SVEP1: variants seen among roughly 807,000 people sequenced by gnomAD.
SVEP1 encodes sushi, von Willebrand factor type A, EGF and pentraxin domain-containing protein 1.
A neutral mutation model predicts 367.3 loss-of-function variants in SVEP1; 164 were observed. The ratio of observed to expected loss-of-function variants is 0.45; its 90% confidence interval spans 0.39 to 0.51. SVEP1 has a LOEUF of 0.51. SVEP1 is among the 20% of genes least tolerant of loss of function. The probability of loss-of-function intolerance (pLI) is 0.00; values close to 1 mark genes in which losing one functional copy is unlikely to be tolerated. For synonymous variants in SVEP1, 1,666 were observed against 1,611.6 expected, an observed-to-expected ratio of 1.03 and a Z score of -0.81; for missense variants, 4,117 against 4,425.3, an observed-to-expected ratio of 0.93 and a Z score of 1.98.
chr9:110,570,970 CT>C (rs374900472), intron 1 of SVEP1, among the ~76,000 whole-genome samples: 6,852 of 113,166 alleles, frequency 0.061, 55 homozygotes, highest in Non-Finnish European at 0.068. Context: ...CAGATGGCTC[CT>C]TTTTTTTTTT....
intron 47 of SVEP1, among the ~76,000 whole-genome samples, chr9:110,368,456 A>G (rs1217704293): frequency 6.6e-6 from 1 of 152,156 alleles, no homozygotes; most frequent in Admixed American, 6.5e-5. Flanking sequence ...CCTATATCAA[A>G]CTTTTGCGTA....
intron 37 of SVEP1, among the ~76,000 whole-genome samples, chr9:110,409,158 C>T (rs557973366): frequency 1.8e-4 from 27 of 152,280 alleles, no homozygotes; most frequent in Admixed American, 8.5e-4. Context: ...AACTTAGGCT[C>T]GGCATGACGA....
At chr9:110,487,437 A>G (rs1405481615) in intron 9 of SVEP1, among the ~76,000 whole-genome samples, 1 of 152,232 alleles carries the variant, frequency 6.6e-6, no homozygotes, top group Non-Finnish European at 1.5e-5. Flanking sequence ...TTTCATGCAA[A>G]TGGTAAAGCT....
At position 110,516,614 on chromosome 9, in the gene SVEP1, C is replaced by T. The variant is rs183489013; in HGVS notation, c.965-2508G>A. Among the ~76,000 whole-genome samples, 407 of 152,022 alleles carry T rather than the reference C, an allele frequency of 2.7e-3. 4 individuals are homozygous for T. The highest frequency in any genetic ancestry group is 8.6e-3 in the African/African-American group (358 of 41,498). ...GGATCCTCAAAGAGATAAAGGACAA[C>T]GTGGTTTCCTTTAAACAGGAGTCAG... On this transcript the variant is annotated intron_variant, in intron 3 of 47. Transcript: ENST00000374469.
chr9:110,437,776 A>G (rs185785312), intron 27 of SVEP1, among the ~76,000 whole-genome samples: 1 of 152,032 alleles, frequency 6.6e-6, no homozygotes, highest in Admixed American at 6.5e-5. Context: ...GTAGTCTTTT[A>G]TCCCTCACCC....
intron 18 of SVEP1, among the ~76,000 whole-genome samples, chr9:110,465,569 T>C (rs531734384): frequency 1.3e-5 from 2 of 152,338 alleles, no homozygotes; most frequent in East Asian, 1.9e-4. Context: ...CTAGTTTAGA[T>C]ATATTTCTAC....
At chr9:110,381,061 G>T (rs947597229) in intron 43 of SVEP1, among the ~76,000 whole-genome samples, 1 of 152,156 alleles carries the variant, frequency 6.6e-6, no homozygotes, top group Non-Finnish European at 1.5e-5. Context: ...GGCATCAGTG[G>T]TGATATTCCC....
At chr9:110,492,494 T>A (rs1318548537) in intron 8 of SVEP1, among the ~76,000 whole-genome samples, 1 of 152,072 alleles carries the variant, frequency 6.6e-6, no homozygotes, top group Non-Finnish European at 1.5e-5. Flanking sequence ...TGCATGTTTT[T>A]AAAACTTTAT....
rs551441554 is a variant in SVEP1, at chr9:110,372,795, T to G, written c.10600+2573A>C. 2.2e-4 allele frequency among the ~76,000 whole-genome samples: 33 copies of G among 152,096 alleles called. No individual in the cohort carries two copies. In the South Asian group the frequency reaches 6.0e-3, roughly 28 times the overall value. ...CACTGCAGGGCACAGTGTGTGATGG[T>G]AGGATAACAAGTGAGTTGTGCTTCA... On this transcript the variant is annotated intron_variant, in intron 46 of 47. Coordinates refer to ENST00000374469, the MANE Select transcript of SVEP1 (RefSeq NM_153366.4).
Position 110,406,933 on chromosome 9 carries a change from G to A in SVEP1, c.8667C>T (p.Val2889=). 1 of 1,613,762 alleles carries A rather than the reference G, an allele frequency of 6.2e-7. No individual in the cohort carries two copies. Among genetic ancestry groups the A allele is most frequent in the Non-Finnish European group, 8.5e-7 (1 of 1,179,848 alleles). The change falls in exon 38 of 48, where the codon GTC becomes GTT. Residue 2889 remains valine, a synonymous_variant. Coordinates refer to ENST00000374469, the MANE Select transcript of SVEP1 (RefSeq NM_153366.4). The part of the protein sequence containing the change: ...WSGATPDCVP[V]RCATPPQLAN... ...CCAGTTGTGGCGGGGTGGCACATCTGACAGGCACACAGTCGGGAGTGGCTC... is the reference window on the plus strand; with the variant it reads ...CCAGTTGTGGCGGGGTGGCACATCTAACAGGCACACAGTCGGGAGTGGCTC...
chr9:110,489,502 A>T (rs1426241778), intron 9 of SVEP1, 148 bp downstream of exon 9: 1 of 641,524 alleles, frequency 1.6e-6, no homozygotes, highest in Admixed American at 3.6e-5. Context: ...TCTGAGACTT[A>T]TTCACTATCA....
intron 3 of SVEP1, among the ~76,000 whole-genome samples, chr9:110,545,109 T>C (rs903346239): frequency 6.6e-6 from 1 of 152,226 alleles, no homozygotes; most frequent in Non-Finnish European, 1.5e-5. Context: ...TCTTTTTTTA[T>C]GGCTGAGTAG....
chr9:110,461,326 C>T (rs1020030538), intron 18 of SVEP1, among the ~76,000 whole-genome samples: 1 of 152,178 alleles, frequency 6.6e-6, no homozygotes, highest in Non-Finnish European at 1.5e-5. Context: ...CTTGGATAAA[C>T]TGGCATCATC....
In SVEP1 at chr9:110,511,488, C is replaced by CTTTTTTTTTTTTTTTTT. The variant is rs199993986; in HGVS notation, c.1303+1421_1303+1437dup. 2.6e-5 allele frequency among the ~76,000 whole-genome samples: 2 copies of CTTTTTTTTTTTTTTTTT among 77,554 alleles called. 1 individual carries two copies. Among genetic ancestry groups the CTTTTTTTTTTTTTTTTT allele is most frequent in the Non-Finnish European group, 5.5e-5 (2 of 36,268 alleles). 50.9% of individuals were successfully genotyped at this position (77,554 alleles called of 152,430 possible). ...CTAGGTCCATTCATTGTGTCAGTACCTTTTTTTTTTTTTTTTTTTTTTTTT... is the reference window on the plus strand; with the variant it reads ...CTAGGTCCATTCATTGTGTCAGTACCTTTTTTTTTTTTTTTTTTTTTTTTTTTTTTTTTTTTTTTTTT... On this transcript the variant is annotated intron_variant, in intron 5 of 47. Transcript: ENST00000374469.
intron 8 of SVEP1, among the ~76,000 whole-genome samples, 188 bp from the exon 9 acceptor site, chr9:110,489,967 A>G (rs372449292): frequency 1.3e-5 from 2 of 152,318 alleles, no homozygotes; most frequent in South Asian, 4.1e-4. Context: ...ATTGGCACAC[A>G]TATGAAATAT....
At chr9:110,403,296 G>GCTTTTTTTTT (rs1827892964) in intron 39 of SVEP1, among the ~76,000 whole-genome samples, 1 of 43,454 alleles carries the variant, frequency 2.3e-5, no homozygotes, top group African/African-American at 1.2e-4. Flanking sequence ...CGCCACCGCC[G>GCTTTTTTTTT]TTTTTTTTTT....
Position 110,431,925 on chromosome 9 carries a change from T to C in SVEP1, c.5343A>G (p.Lys1781=). 6.2e-7 allele frequency: 1 copy of C among 1,613,620 alleles called. No individual in the cohort carries two copies. Among genetic ancestry groups the C allele is most frequent in the Non-Finnish European group, 8.5e-7 (1 of 1,179,664 alleles). ...SCVPPYTGDG[K]NCAEPIKCKA... ...ACATATATTGGTTACCTGCACAGTTTTTCCCATCTCCTGTGTACGGTGGGA... is the reference window on the plus strand; with the variant it reads ...ACATATATTGGTTACCTGCACAGTTCTTCCCATCTCCTGTGTACGGTGGGA... Residue 1781 remains lysine (K), a synonymous_variant, in exon 32 of 48, where the codon AAA becomes AAG. Transcript: ENST00000374469.
intron 9 of SVEP1, among the ~76,000 whole-genome samples, chr9:110,484,636 T>C (rs2118711683): frequency 6.6e-6 from 1 of 152,150 alleles, no homozygotes; most frequent in South Asian, 2.1e-4. Context: ...CAAAAGAAAC[T>C]ATTATCAGAG....
intron 3 of SVEP1, among the ~76,000 whole-genome samples, chr9:110,522,459 C>T (rs1449548987): frequency 1.3e-5 from 2 of 152,100 alleles, no homozygotes; most frequent in South Asian, 4.1e-4. Context: ...GGCCAGTGGG[C>T]CAGCAAAGGG....
Sources: gnomAD v4.1 joint callset for allele counts (sites outside exome capture counted in the v4.1 genomes callset) on GRCh38, gnomAD v4.1.1 for gene constraint, MANE v1.5 for transcripts, NCBI Gene and HGNC (gene_info 2026-07-23, HGNC 2026-07-21) for gene names.